The following KCTD8 variants were observed in gnomAD, a reference collection of about 807,000 sequenced individuals.
KCTD8 encodes the protein potassium channel tetramerization domain containing 8, also known as BTB/POZ domain-containing protein KCTD8.
In KCTD8, 27 loss-of-function variants were observed where a neutral mutation model predicts 31.5. That is an observed-to-expected ratio of 0.86 (90% CI 0.63 to 1.18). KCTD8 has a LOEUF of 1.18. Among genes scored for constraint, KCTD8 ranks in the 50% most tolerant of loss-of-function variants. The probability of loss-of-function intolerance (pLI) is 0.00; values close to 1 mark genes in which losing one functional copy is unlikely to be tolerated. For missense variants in KCTD8, 658 were observed against 647.7 expected, an observed-to-expected ratio of 1.02 and a Z score of -0.17; for synonymous variants, 290 against 280.0, an observed-to-expected ratio of 1.04 and a Z score of -0.36.
At position 44,181,715 on chromosome 4, in the gene KCTD8, G is replaced by A. The variant is rs542310563; in HGVS notation, c.962-6465C>T. ...CTCTCTGCCTGGCCGCCCATTGTCT[G>A]GGATGCCAGGAGCCCCTCTGCCCGG... On this transcript the variant is annotated intron_variant, in intron 1 of 1. Coordinates refer to ENST00000360029, the MANE Select transcript of KCTD8 (RefSeq NM_198353.3). Among the ~76,000 whole-genome samples, 23 of 151,574 alleles carry A rather than the reference G, an allele frequency of 1.5e-4. No homozygotes were observed. In the South Asian group the frequency reaches 4.8e-3, roughly 32 times the overall value.
At chr4:44,378,699 A>T (rs1719982239) in intron 1 of KCTD8, among the ~76,000 whole-genome samples, 1 of 152,148 alleles carries the variant, frequency 6.6e-6, no homozygotes, top group Non-Finnish European at 1.5e-5. Flanking sequence ...TGTAGCTATT[A>T]CATGAGTCCC....
At chr4:44,414,808 T>C (rs888068623) in intron 1 of KCTD8, among the ~76,000 whole-genome samples, 1 of 152,154 alleles carries the variant, frequency 6.6e-6, no homozygotes, top group Non-Finnish European at 1.5e-5. Context: ...GGATCACTCA[T>C]ACATGGCTTA....
chr4:44,420,254 A>T (rs1721179271), intron 1 of KCTD8, among the ~76,000 whole-genome samples: 2 of 152,176 alleles, frequency 1.3e-5, no homozygotes, highest in Admixed American at 1.3e-4. Flanking sequence ...TGGACAAAAG[A>T]AGGTTGACAA....
At chr4:44,366,427 GCT>G (rs1375057652) in intron 1 of KCTD8, among the ~76,000 whole-genome samples, 1 of 152,062 alleles carries the variant, frequency 6.6e-6, no homozygotes, top group African/African-American at 2.4e-5. Context: ...TTCCCCCTTC[GCT>G]CTCTCTATTT....
At chr4:44,319,780 A>C (rs1437203283) in intron 1 of KCTD8, among the ~76,000 whole-genome samples, 1 of 152,144 alleles carries the variant, frequency 6.6e-6, no homozygotes, top group African/African-American at 2.4e-5. Context: ...AAGAAACTGG[A>C]AGTTGCAAAT....
intron 1 of KCTD8, among the ~76,000 whole-genome samples, chr4:44,348,547 A>T (rs1719098307): frequency 1.3e-5 from 2 of 152,186 alleles, no homozygotes; most frequent in African/African-American, 4.8e-5. Flanking sequence ...AATAGTTAAT[A>T]TATGTGTGTC....
chr4:44,366,744 A>G (rs1719650157), intron 1 of KCTD8, among the ~76,000 whole-genome samples: 1 of 152,192 alleles, frequency 6.6e-6, no homozygotes, highest in Non-Finnish European at 1.5e-5. Flanking sequence ...ATCATTACCA[A>G]TTTCTGGAAA....
chr4:44,305,917 T>C (rs953463434), intron 1 of KCTD8, among the ~76,000 whole-genome samples: 29 of 151,888 alleles, frequency 1.9e-4, no homozygotes, highest in African/African-American at 7.0e-4. Flanking sequence ...ATAACAATTT[T>C]ATAAATATTT....
At position 44,174,907 on chromosome 4, in the gene KCTD8, A is replaced by T; in HGVS notation, c.1305T>A (p.Ser435Arg). The T allele has an allele frequency of 6.2e-7, 1 of 1,614,046 alleles. No individual in the cohort carries two copies. The highest frequency in any genetic ancestry group is 8.5e-7 in the Non-Finnish European group (1 of 1,179,990). Residue 435 changes from serine to arginine, a missense_variant, in exon 2 of 2, where the codon AGT becomes AGA. Physicochemically the swap from Ser to Arg is moderately radical, Grantham distance 110 (BLOSUM62 -1). Transcript: ENST00000360029. The stretch of plus-strand genomic sequence containing the variant: ...TACACTTTTTCATTTCTTCTTCCAC[A>T]CTTAGCTTCTCACAGACTTTCTTTT... The part of the protein sequence containing the change: ...LSKKKVCEKL[S>R]VEEEMKKCIQ...
At chr4:44,446,361 TC>T (rs987063595) in intron 1 of KCTD8, among the ~76,000 whole-genome samples, 4 of 152,212 alleles carry the variant, frequency 2.6e-5, no homozygotes, top group Non-Finnish European at 5.9e-5. Flanking sequence ...AAGGCTATTC[TC>T]CCTATGCTAC....
chr4:44,191,381 C>T (rs995035189), intron 1 of KCTD8, among the ~76,000 whole-genome samples: 2 of 152,010 alleles, frequency 1.3e-5, no homozygotes, highest in Admixed American at 6.6e-5. Flanking sequence ...AACAGAATAA[C>T]AACGATTTTA....
chr4:44,448,480 G>T lies in KCTD8; in HGVS notation c.44C>A (p.Pro15His). ...DTGSGGSTIL[P>H]ISEMVSSSSS... Reference sequence around the variant, plus strand: ...GGACGAGGAAACCATCTCGCTAATGGGCAGGATGGTGCTGCCGCCGCTGCC... The same window carrying T: ...GGACGAGGAAACCATCTCGCTAATGTGCAGGATGGTGCTGCCGCCGCTGCC... The change falls in exon 1 of 2, where the codon CCC (proline) becomes CAC (histidine). Residue 15 changes from proline (P) to histidine (H), a missense_variant. By Grantham distance (77) the Pro-to-His change is moderately conservative (BLOSUM62 -2). Transcript: ENST00000360029. This position sits in a 1 kb window ranked among gnomAD's most constrained non-coding sequence, Gnocchi z 4.1. 6.5e-7 allele frequency: 1 copy of T among 1,526,916 alleles called. No homozygotes were observed. 94.6% of individuals were successfully genotyped at this position (1,526,916 alleles called of 1,614,324 possible). A position where few individuals can be genotyped will look rare whatever the true frequency, so the allele number is the denominator to read the frequency against.
At chr4:44,315,281 T>C (rs1718073356) in intron 1 of KCTD8, among the ~76,000 whole-genome samples, 1 of 152,082 alleles carries the variant, frequency 6.6e-6, no homozygotes, top group Non-Finnish European at 1.5e-5. Flanking sequence ...TTTTCTTCCA[T>C]TTCTTAAAAA....
At chr4:44,298,260 C>T (rs576054085) in intron 1 of KCTD8, among the ~76,000 whole-genome samples, 1 of 152,216 alleles carries the variant, frequency 6.6e-6, no homozygotes, top group East Asian at 1.9e-4. Context: ...CTTCCTTTCC[C>T]ATAAATAGTC....
In KCTD8 at chr4:44,379,017, T is replaced by C. The variant is rs557277789; in HGVS notation, c.961+68546A>G. On this transcript the variant is annotated intron_variant, in intron 1 of 1. Transcript: ENST00000360029. ...CTTCAAAGCCAGCTGCAGAGCATCT[T>C]CTAATCCCTCTCTCTGACTCTGAAC... 3.9e-5 allele frequency among the ~76,000 whole-genome samples: 6 copies of C among 152,244 alleles called. No individual in the cohort carries two copies. In the East Asian group the frequency reaches 9.7e-4, roughly 25 times the overall value.
intron 1 of KCTD8, among the ~76,000 whole-genome samples, chr4:44,213,870 A>C (rs1472434814): frequency 6.6e-6 from 1 of 152,192 alleles, no homozygotes; most frequent in Non-Finnish European, 1.5e-5. Context: ...ATGTTGAGAA[A>C]CCACAGGCAC....
chr4:44,240,044 T>C (rs1203881900), intron 1 of KCTD8, among the ~76,000 whole-genome samples: 1 of 152,174 alleles, frequency 6.6e-6, no homozygotes, highest in African/African-American at 2.4e-5. Context: ...GCAGGAATCA[T>C]TACAATTTTG....
At chr4:44,205,323 G>C (rs1714270006) in intron 1 of KCTD8, among the ~76,000 whole-genome samples, 1 of 152,130 alleles carries the variant, frequency 6.6e-6, no homozygotes, top group African/African-American at 2.4e-5. Flanking sequence ...AAGTGTAGTG[G>C]ATAGTGTGAA....
chr4:44,219,387 A>T (rs1714741738), intron 1 of KCTD8, among the ~76,000 whole-genome samples: 1 of 152,222 alleles, frequency 6.6e-6, no homozygotes, highest in African/African-American at 2.4e-5. Context: ...TGCCAGTATA[A>T]TATAGCTAAG....
Sources: allele counts gnomAD v4.1 joint callset (sites outside exome capture counted in the v4.1 genomes callset), GRCh38; gene constraint gnomAD v4.1.1; non-coding constraint Gnocchi (gnomAD v3.1); transcripts MANE v1.5; gene names NCBI Gene and HGNC (gene_info 2026-07-23, HGNC 2026-07-21).